The following ZNF438 variants were observed in gnomAD, a reference collection of about 807,000 sequenced individuals.
The protein encoded by ZNF438 is zinc finger protein 438.
Under a neutral mutation model 38.0 loss-of-function variants are expected in ZNF438, and 25 were observed. The observed-to-expected ratio is 0.66, with a 90% confidence interval of 0.48 to 0.92. ZNF438 has a LOEUF of 0.92. Ranked by LOEUF, ZNF438 falls within the 40% of genes least tolerant of loss-of-function variation. The pLI is 0.00. For synonymous variants in ZNF438, 372 were observed against 364.1 expected, an observed-to-expected ratio of 1.02 and a Z score of -0.25; for missense variants, 1,007 against 999.6, an observed-to-expected ratio of 1.01 and a Z score of -0.10.
At chr10:30,887,261 A>T (rs2040068749) in intron 3 of ZNF438, among the ~76,000 whole-genome samples, 1 of 152,224 alleles carries the variant, frequency 6.6e-6, no homozygotes, top group African/African-American at 2.4e-5. Flanking sequence ...ACTACAACAA[A>T]GGCTCTGGGC....
At chr10:30,987,286 C>T (rs897977933) in intron 1 of ZNF438, among the ~76,000 whole-genome samples, 1 of 144,396 alleles carries the variant, frequency 6.9e-6, no homozygotes. Context: ...CACCATTGCA[C>T]TTCAGCCTGG....
At chr10:30,998,102 A>G (rs2054237922) in intron 1 of ZNF438, among the ~76,000 whole-genome samples, 2 of 152,198 alleles carry the variant, frequency 1.3e-5, no homozygotes, top group Admixed American at 1.3e-4. Context: ...CACAAGACAG[A>G]TGTGGATGAA....
In ZNF438 at chr10:31,014,870, A is replaced by G. The variant is rs764421495; in HGVS notation, c.-192+16963T>C. ...TGTGTGTGTGTGTGTGTATATATAT[A>G]TATATATATTTATTTAGAGACAGAG... On this transcript the variant is annotated intron_variant, in intron 1 of 5. Coordinates refer to ENST00000413025, the Ensembl canonical transcript of ZNF438. 1.4e-3 allele frequency among the ~76,000 whole-genome samples: 208 copies of G among 151,320 alleles called. 2 individuals are homozygous for G. The highest frequency in any genetic ancestry group is 5.1e-3 in the Admixed American group (78 of 15,206).
intron 1 of ZNF438, among the ~76,000 whole-genome samples, chr10:30,943,196 T>C (rs1349890452): frequency 3.9e-5 from 6 of 151,978 alleles, no homozygotes; most frequent in Non-Finnish European, 8.8e-5. Context: ...CAAGAGAAGA[T>C]GGGAACAAGA....
intron 3 of ZNF438, among the ~76,000 whole-genome samples, chr10:30,891,949 C>T (rs1050465084): frequency 3.3e-5 from 5 of 152,076 alleles, no homozygotes; most frequent in South Asian, 2.1e-4. Flanking sequence ...CAAAGATGAA[C>T]GCTTTTCAAA....
chr10:30,867,247 C>T (rs57250978), intron 4 of ZNF438, among the ~76,000 whole-genome samples: 8,760 of 152,196 alleles, frequency 0.058, 821 homozygotes, highest in African/African-American at 0.2. Context: ...AGATATGAGA[C>T]TCAAACTATC....
At chr10:30,917,630 A>T (rs2043804608) in intron 2 of ZNF438, among the ~76,000 whole-genome samples, 2 of 152,106 alleles carry the variant, frequency 1.3e-5, no homozygotes, top group Non-Finnish European at 2.9e-5. Context: ...TGTCTTTTCA[A>T]ATCATTTGTT....
chr10:30,864,412 T>A (rs1042810711), intron 4 of ZNF438, among the ~76,000 whole-genome samples: 1 of 152,178 alleles, frequency 6.6e-6, no homozygotes, highest in African/African-American at 2.4e-5. Context: ...CCTGTGACCA[T>A]CCTGTCTAAA....
At chr10:30,850,490 T>C (rs567186163) in intron 4 of ZNF438, 123 bp from the exon 6 acceptor site, 4 of 1,139,604 alleles carry the variant, frequency 3.5e-6, no homozygotes, top group Admixed American at 3.0e-5. Flanking sequence ...CCAAGCCTTC[T>C]GGGCAAAATC....
chr10:30,922,379 G>T (rs748174569), intron 2 of ZNF438, among the ~76,000 whole-genome samples: 1 of 152,142 alleles, frequency 6.6e-6, no homozygotes, highest in African/African-American at 2.4e-5. Flanking sequence ...AATCAAGTGG[G>T]ACTTTTACTG....
At chr10:30,855,069 G>A (rs538391288) in intron 4 of ZNF438, among the ~76,000 whole-genome samples, 1 of 152,330 alleles carries the variant, frequency 6.6e-6, no homozygotes, top group Admixed American at 6.5e-5. Context: ...AAGGGAGTGA[G>A]CTAATTATGA....
chr10:31,000,083 C>T (rs2054492689), intron 1 of ZNF438, among the ~76,000 whole-genome samples: 2 of 152,248 alleles, frequency 1.3e-5, no homozygotes, highest in South Asian at 4.2e-4. Flanking sequence ...TGCTTATTCC[C>T]AAATTTGTGT....
At chr10:30,982,685 A>G (rs923526840) in intron 1 of ZNF438, among the ~76,000 whole-genome samples, 1 of 152,182 alleles carries the variant, frequency 6.6e-6, no homozygotes, top group Non-Finnish European at 1.5e-5. Context: ...TGGCAGCAGA[A>G]GCAGGAAACC....
At chr10:30,888,003 GAATAT>G (rs1337922685) in intron 3 of ZNF438, among the ~76,000 whole-genome samples, 5 of 152,080 alleles carry the variant, frequency 3.3e-5, no homozygotes, top group Non-Finnish European at 7.4e-5. Flanking sequence ...TCCATTATAT[GAATAT>G]AACACAATTT....
intron 3 of ZNF438, among the ~76,000 whole-genome samples, chr10:30,902,144 G>T (rs529532006): frequency 1.3e-5 from 2 of 152,210 alleles, no homozygotes; most frequent in East Asian, 3.9e-4. Context: ...GGGTTGCCAT[G>T]GCTGGGACTG....
chr10:30,861,955 G>C lies in ZNF438; in HGVS notation c.38-11588C>G, dbSNP rs545003557. Among the ~76,000 whole-genome samples the C allele has an allele frequency of 2.6e-5, 4 of 152,260 alleles. No individual in the cohort carries two copies. In the East Asian group the frequency reaches 7.7e-4, roughly 29 times the overall value. On this transcript the variant is annotated intron_variant, in intron 4 of 5. Transcript: ENST00000413025. ...CCAAGGACACTAAGCCAGGCAAATG[G>C]AAACTTCTGAAATGCTTTGTTAACC...
chr10:30,929,871 C>T (rs569475744), intron 2 of ZNF438, among the ~76,000 whole-genome samples: 5 of 152,258 alleles, frequency 3.3e-5, no homozygotes, highest in Admixed American at 2.0e-4. Flanking sequence ...TAGCTAGACA[C>T]AGAGTGCTAA....
intron 1 of ZNF438, among the ~76,000 whole-genome samples, chr10:30,971,440 A>G (rs1415258845): frequency 6.6e-6 from 1 of 152,202 alleles, no homozygotes; most frequent in Non-Finnish European, 1.5e-5. Flanking sequence ...TATTTAGAAG[A>G]CAATTTGGAA....
In ZNF438 at chr10:30,844,807, G is replaced by A. The variant is rs543061668; in HGVS notation, c.*154C>T. The A allele has an allele frequency of 1.4e-3, 1,336 of 968,572 alleles. 5 individuals carry two copies. Among genetic ancestry groups the A allele is most frequent in the Admixed American group, 3.5e-3 (142 of 40,278 alleles). 60.0% of individuals were successfully genotyped at this position (968,572 alleles called of 1,614,324 possible). A position where few individuals can be genotyped will look rare whatever the true frequency, so the allele number is the denominator to read the frequency against. ...GCTTCGAGAGCTTATATTTTATTTCGTTAAGAAAATAAAACCATGTACAAA... is the reference window on the plus strand; with the variant it reads ...GCTTCGAGAGCTTATATTTTATTTCATTAAGAAAATAAAACCATGTACAAA... On this transcript the variant is annotated 3_prime_UTR_variant, in exon 6 of 6. Transcript: ENST00000413025.
Sources: allele counts gnomAD v4.1 joint callset (sites outside exome capture counted in the v4.1 genomes callset), GRCh38; gene constraint gnomAD v4.1.1; transcripts MANE v1.5; gene names NCBI Gene and HGNC (gene_info 2026-07-23, HGNC 2026-07-21).